Variants in MAGI1 observed in about 807,000 individuals in gnomAD.
MAGI1 encodes membrane associated guanylate kinase, WW and PDZ domain containing 1.
A neutral mutation model predicts 139.9 loss-of-function variants in MAGI1; 58 were observed. That is an observed-to-expected ratio of 0.41 (90% CI 0.34 to 0.52). The LOEUF (loss-of-function observed/expected upper bound fraction) is 0.52. MAGI1 is among the 20% of genes least tolerant of loss of function. MAGI1 has a pLI of 0.12. For synonymous variants in MAGI1, 812 were observed against 737.9 expected, an observed-to-expected ratio of 1.10 and a Z score of -1.63; for missense variants, 1,874 against 1,901.6, an observed-to-expected ratio of 0.99 and a Z score of 0.27.
rs79889400 is a variant in MAGI1, at chr3:65,915,645, T to C, written c.313+122351A>G. 7.0e-3 allele frequency among the ~76,000 whole-genome samples: 1,067 copies of C among 152,272 alleles called. 9 individuals are homozygous for C. Among genetic ancestry groups the C allele is most frequent in the African/African-American group, 0.024 (1,010 of 41,554 alleles). ...TTACAGCTGCACTGGTTGTGAATCA[T>C]CCCTCTGGGTTATCCAGTGTATCCT... On this transcript the variant is annotated intron_variant, in intron 1 of 22. Coordinates refer to ENST00000402939, the MANE Select transcript of MAGI1 (RefSeq NM_001033057.2).
intron 1 of MAGI1, among the ~76,000 whole-genome samples, chr3:65,646,127 A>C (rs1287236742): frequency 6.6e-6 from 1 of 152,136 alleles, no homozygotes; most frequent in African/African-American, 2.4e-5. Flanking sequence ...AAATTTAAAA[A>C]CATAACCCAA....
At chr3:65,934,294 G>A (rs144918019) in intron 1 of MAGI1, among the ~76,000 whole-genome samples, 2,165 of 149,652 alleles carry the variant, frequency 0.014, 32 homozygotes, top group East Asian at 0.043. Flanking sequence ...AGAGGATCTT[G>A]CTGGGTTGCC....
At chr3:65,479,654 TA>T (rs1466028961) in intron 3 of MAGI1, among the ~76,000 whole-genome samples, 1 of 152,178 alleles carries the variant, frequency 6.6e-6, no homozygotes, top group Non-Finnish European at 1.5e-5. Context: ...AAAATTGACT[TA>T]TTTTTCACTT....
intron 1 of MAGI1, among the ~76,000 whole-genome samples, chr3:65,834,196 A>C (rs2042681669): frequency 6.6e-6 from 1 of 152,222 alleles, no homozygotes; most frequent in Admixed American, 6.5e-5. Flanking sequence ...ACATGAAGAT[A>C]TTAGCTAAAG....
At chr3:65,534,037 A>G (rs1576225003) in intron 2 of MAGI1, among the ~76,000 whole-genome samples, 1 of 152,204 alleles carries the variant, frequency 6.6e-6, no homozygotes. Context: ...CAAGCTTGTG[A>G]GACAGAGAAC....
chr3:65,962,149 G>T (rs560440201), intron 1 of MAGI1, among the ~76,000 whole-genome samples: 6 of 142,180 alleles, frequency 4.2e-5, no homozygotes, highest in African/African-American at 1.6e-4. Flanking sequence ...TTTTGACGGA[G>T]TCTCTCTCTG....
chr3:65,666,391 C>A (rs943383161), intron 1 of MAGI1, among the ~76,000 whole-genome samples: 2 of 152,190 alleles, frequency 1.3e-5, no homozygotes, highest in Non-Finnish European at 2.9e-5. Flanking sequence ...AGATGTCCAA[C>A]AATCTTTCTC....
chr3:65,807,806 C>G (rs1466590143), intron 1 of MAGI1, among the ~76,000 whole-genome samples: 1 of 152,156 alleles, frequency 6.6e-6, no homozygotes, highest in East Asian at 1.9e-4. Context: ...ATCCTCAGAG[C>G]AACCTCTCAA....
chr3:65,729,878 A>G (rs1420338587), intron 1 of MAGI1, among the ~76,000 whole-genome samples: 4 of 152,258 alleles, frequency 2.6e-5, no homozygotes, highest in South Asian at 2.1e-4. Context: ...ACCATGTAAT[A>G]CAATCCTGCT....
chr3:65,949,039 A>T (rs945643407), intron 1 of MAGI1, among the ~76,000 whole-genome samples: 12 of 152,176 alleles, frequency 7.9e-5, no homozygotes, highest in African/African-American at 2.9e-4. Context: ...ATTTCTTCAC[A>T]TTGTGCTGTC....
intron 14 of MAGI1, among the ~76,000 whole-genome samples, chr3:65,389,158 C>T (rs191061091): frequency 2.0e-5 from 3 of 152,120 alleles, no homozygotes; most frequent in South Asian, 2.1e-4. Context: ...TATTTCAGTC[C>T]GGCTGCCACC....
intron 1 of MAGI1, among the ~76,000 whole-genome samples, chr3:65,763,939 G>T (rs1030183257): frequency 6.6e-6 from 1 of 151,752 alleles, no homozygotes. Flanking sequence ...AGGTGTGGTC[G>T]CTGGCACCTT....
At chr3:65,428,998 G>A (rs1440246522) in intron 12 of MAGI1, among the ~76,000 whole-genome samples, 1 of 152,286 alleles carries the variant, frequency 6.6e-6, no homozygotes, top group Non-Finnish European at 1.5e-5. Flanking sequence ...AGCAGCCAGT[G>A]TGGCTAAAGC....
At chr3:65,394,851 T>C (rs1347560097) in intron 13 of MAGI1, among the ~76,000 whole-genome samples, 1 of 152,184 alleles carries the variant, frequency 6.6e-6, no homozygotes, top group Admixed American at 6.5e-5. Flanking sequence ...ACTAGGGGCA[T>C]GAGAATACGT....
intron 2 of MAGI1, among the ~76,000 whole-genome samples, chr3:65,509,452 C>T (rs945550796): frequency 3.9e-5 from 6 of 152,246 alleles, no homozygotes; most frequent in African/African-American, 1.4e-4. Context: ...GTGCGCGTAC[C>T]GTGCGCAAGC....
chr3:65,370,038 C>G (rs1445531735), intron 18 of MAGI1, among the ~76,000 whole-genome samples: 2 of 152,240 alleles, frequency 1.3e-5, no homozygotes, highest in African/African-American at 2.4e-5. Flanking sequence ...TATCTCTTCA[C>G]TGAACTGTAA....
intron 1 of MAGI1, among the ~76,000 whole-genome samples, chr3:65,658,250 T>C (rs2085995097): frequency 7.0e-6 from 1 of 143,786 alleles, no homozygotes; most frequent in East Asian, 2.3e-4. Context: ...CTAGAGAATG[T>C]TACAGTTCTC....
intron 17 of MAGI1, among the ~76,000 whole-genome samples, chr3:65,376,523 C>T (rs1942543280): frequency 6.6e-6 from 1 of 152,146 alleles, no homozygotes; most frequent in Admixed American, 6.6e-5. Context: ...GCCTTCTCCC[C>T]AGAATGATGA....
intron 1 of MAGI1, among the ~76,000 whole-genome samples, chr3:65,993,515 G>A (rs577151036): frequency 1.3e-4 from 20 of 152,270 alleles, no homozygotes; most frequent in African/African-American, 4.6e-4. Flanking sequence ...AATAGTTATG[G>A]GGCACTAATT....
Sources: gnomAD v4.1 joint callset for allele counts (sites outside exome capture counted in the v4.1 genomes callset) on GRCh38, gnomAD v4.1.1 for gene constraint, MANE v1.5 for transcripts, NCBI Gene and HGNC (gene_info 2026-07-23, HGNC 2026-07-21) for gene names.